RSU1: variants seen among roughly 807,000 people sequenced by gnomAD.
RSU1 encodes rsu-1.
Under a neutral mutation model 31.1 loss-of-function variants are expected in RSU1, and 26 were observed. The ratio of observed to expected loss-of-function variants is 0.84; its 90% CI spans 0.61 to 1.16. The LOEUF is 1.16. RSU1 is among the 50% of genes most tolerant of loss of function. The pLI is 0.00. For missense variants in RSU1, 320 were observed against 339.1 expected, an observed-to-expected ratio of 0.94 and a Z score of 0.44; for synonymous variants, 164 against 136.3, an observed-to-expected ratio of 1.20 and a Z score of -1.41.
intron 7 of RSU1, among the ~76,000 whole-genome samples, chr10:16,740,617 A>T (rs928060860): frequency 1.2e-4 from 19 of 152,236 alleles, no homozygotes; most frequent in African/African-American, 4.3e-4. Flanking sequence ...CTGAGTTCAT[A>T]AGGTTGTAAA....
At chr10:16,736,809 T>C (rs1444311399) in intron 7 of RSU1, among the ~76,000 whole-genome samples, 6 of 151,850 alleles carry the variant, frequency 4.0e-5, no homozygotes, top group Non-Finnish European at 7.4e-5. Context: ...AACATGAACA[T>C]AATAAGGAAA....
At chr10:16,721,204 A>C (rs1836254894) in intron 7 of RSU1, 1 of 152,142 alleles carries the variant, frequency 6.6e-6, no homozygotes, top group South Asian at 2.1e-4. Context: ...GTGTAGAGAG[A>C]ACAGTGAAGA....
intron 7 of RSU1, among the ~76,000 whole-genome samples, chr10:16,703,240 A>C (rs181981973): frequency 1.6e-4 from 24 of 152,312 alleles, no homozygotes; most frequent in Non-Finnish European, 2.8e-4. Flanking sequence ...TAAATTACCC[A>C]GTCTAAGGCA....
At chr10:16,631,548 T>C (rs771043705) in intron 8 of RSU1, among the ~76,000 whole-genome samples, 21 of 152,242 alleles carry the variant, frequency 1.4e-4, no homozygotes, top group Non-Finnish European at 2.5e-4. Context: ...AAACTCCAAC[T>C]GGGCCACCAC....
intron 8 of RSU1, among the ~76,000 whole-genome samples, chr10:16,655,729 A>T (rs2131520672): frequency 6.6e-6 from 1 of 152,320 alleles, no homozygotes; most frequent in East Asian, 1.9e-4. Context: ...CATTTTTCCA[A>T]CAGTAGGTGT....
intron 7 of RSU1, among the ~76,000 whole-genome samples, chr10:16,724,518 G>A (rs1212675361): frequency 6.6e-6 from 1 of 152,180 alleles, no homozygotes; most frequent in Non-Finnish European, 1.5e-5. Flanking sequence ...TGAGCCATTG[G>A]CTAAAGGGCT....
chr10:16,766,715 C>T lies in RSU1; in HGVS notation c.161-2205G>A, dbSNP rs561300143. ...AGGTGACAAGAGTACAACTCTATCT[C>T]GAGAAGAGAAAAGATTGGCCTGGTG... On this transcript the variant is annotated intron_variant, in intron 3 of 8. Coordinates refer to ENST00000345264, the MANE Select transcript of RSU1 (RefSeq NM_012425.4). Among the ~76,000 whole-genome samples, 149 of 151,328 alleles carry T rather than the reference C, an allele frequency of 9.8e-4. 6 individuals carry two copies. The South Asian group carries it at 0.03, about 31-fold the overall frequency.
chr10:16,799,615 G>T (rs1300416994), intron 2 of RSU1, among the ~76,000 whole-genome samples: 1 of 145,718 alleles, frequency 6.9e-6, no homozygotes, highest in African/African-American at 2.6e-5. Flanking sequence ...CAGGTTCTAA[G>T]GGTGAAAAAA....
chr10:16,599,324 C>T (rs1297911011), intron 8 of RSU1, among the ~76,000 whole-genome samples: 1 of 152,178 alleles, frequency 6.6e-6, no homozygotes, highest in Non-Finnish European at 1.5e-5. Context: ...CAAAGCTTCT[C>T]CATCTCCTTC....
intron 8 of RSU1, among the ~76,000 whole-genome samples, chr10:16,606,110 G>C (rs114471896): frequency 6.6e-6 from 1 of 152,108 alleles, no homozygotes; most frequent in South Asian, 2.1e-4. Context: ...GCGCCACTTC[G>C]TGAGGCCTTC....
chr10:16,703,081 G>A (rs758732127), intron 7 of RSU1, among the ~76,000 whole-genome samples: 1 of 152,114 alleles, frequency 6.6e-6, no homozygotes, highest in Non-Finnish European at 1.5e-5. Context: ...TCTTGCTCCT[G>A]CTCCCACCAT....
At chr10:16,730,972 C>T (rs1056575192) in intron 7 of RSU1, among the ~76,000 whole-genome samples, 5 of 151,902 alleles carry the variant, frequency 3.3e-5, no homozygotes, top group African/African-American at 7.3e-5. Flanking sequence ...TATAGATGCC[C>T]GCCACCACGC....
chr10:16,799,075 G>C (rs866824634), intron 2 of RSU1, among the ~76,000 whole-genome samples: 2 of 152,128 alleles, frequency 1.3e-5, no homozygotes, highest in African/African-American at 2.4e-5. Context: ...TAAAAGATAG[G>C]GGTGCCTGTA....
At chr10:16,622,548 C>T (rs1462520028) in intron 8 of RSU1, among the ~76,000 whole-genome samples, 1 of 152,102 alleles carries the variant, frequency 6.6e-6, no homozygotes, top group East Asian at 1.9e-4. Flanking sequence ...AGAGGGTTTA[C>T]ACACACACAT....
chr10:16,686,539 G>A (rs1174623385), intron 8 of RSU1, among the ~76,000 whole-genome samples: 3 of 152,178 alleles, frequency 2.0e-5, no homozygotes, highest in Non-Finnish European at 4.4e-5. Flanking sequence ...AGTATGGATG[G>A]AGTCTAGCTG....
chr10:16,681,363 G>C (rs906446381), intron 8 of RSU1, among the ~76,000 whole-genome samples: 1 of 152,104 alleles, frequency 6.6e-6, no homozygotes, highest in Non-Finnish European at 1.5e-5. Flanking sequence ...TCAGGAATTC[G>C]TGTGTAAGAA....
At chr10:16,743,811 C>T (rs1160513322) in intron 7 of RSU1, among the ~76,000 whole-genome samples, 3 of 152,076 alleles carry the variant, frequency 2.0e-5, no homozygotes, top group Non-Finnish European at 4.4e-5. Flanking sequence ...AGTTAATAAT[C>T]GCACTACATC....
At chr10:16,685,016 G>A (rs549652861) in intron 8 of RSU1, among the ~76,000 whole-genome samples, 3 of 152,278 alleles carry the variant, frequency 2.0e-5, no homozygotes, top group Non-Finnish European at 2.9e-5. Context: ...GGGAGGCTGA[G>A]GTGAGCGGAT....
intron 7 of RSU1, among the ~76,000 whole-genome samples, chr10:16,745,564 G>C (rs1714011830): frequency 6.6e-6 from 1 of 152,102 alleles, no homozygotes; most frequent in African/African-American, 2.4e-5. Flanking sequence ...TTGTGTATGA[G>C]ACCCCCATTT....
Sources: allele counts gnomAD v4.1 joint callset (sites outside exome capture counted in the v4.1 genomes callset), GRCh38; gene constraint gnomAD v4.1.1; transcripts MANE v1.5; gene names NCBI Gene and HGNC (gene_info 2026-07-23, HGNC 2026-07-21).